The following FIP1L1 variants were observed in gnomAD, a reference collection of about 807,000 sequenced individuals.
The protein encoded by FIP1L1 is pre-mRNA 3'-end-processing factor FIP1.
A neutral mutation model predicts 84.6 loss-of-function variants in FIP1L1; 21 were observed. That is an observed-to-expected ratio of 0.25 (90% CI 0.18 to 0.36). FIP1L1 has a LOEUF of 0.36. Among genes scored for constraint, FIP1L1 ranks in the 10% least tolerant of loss-of-function variants. The pLI is 1.00. For missense variants in FIP1L1, 526 were observed against 751.1 expected, an observed-to-expected ratio of 0.70 and a Z score of 3.50; for synonymous variants, 263 against 242.3, an observed-to-expected ratio of 1.09 and a Z score of -0.80.
At chr4:53,426,378 CT>C (rs1244380920) in intron 12 of FIP1L1, among the ~76,000 whole-genome samples, 1 of 152,022 alleles carries the variant, frequency 6.6e-6, no homozygotes, top group Non-Finnish European at 1.5e-5. Context: ...TTATGATAAT[CT>C]TTTTTCCTTT....
rs1553926936 is a variant in FIP1L1, at chr4:53,459,297, T to TTTTC, written c.1638-5_1638-4insTTTC. On this transcript the variant is annotated splice_region_variant and splice_polypyrimidine_tract_variant and intron_variant, in intron 17 of 17. Transcript: ENST00000337488. ...CACACCTTTTTTTTTTTTTTTTTTT[T>TTTTC]CCAGTAATAGTAGACGTCGCCATGA... 13 of 1,479,452 alleles carry TTTTC rather than the reference T, an allele frequency of 8.8e-6. 1 individual carries two copies. The highest frequency in any genetic ancestry group is 4.8e-5 in the East Asian group (2 of 41,452). The allele number at this position is 1,479,452 out of a possible 1,614,324, so 91.6% of individuals were successfully genotyped here. A position where few individuals can be genotyped will look rare whatever the true frequency, so the allele number is the denominator to read the frequency against.
intron 15 of FIP1L1, among the ~76,000 whole-genome samples, chr4:53,446,091 T>A (rs1467457015): frequency 2.0e-5 from 3 of 152,174 alleles, no homozygotes; most frequent in African/African-American, 7.2e-5. Context: ...TATCGTACTG[T>A]CCTTCAAACT....
At chr4:53,425,367 T>C (rs1436553833) in intron 11 of FIP1L1, among the ~76,000 whole-genome samples, 1 of 152,102 alleles carries the variant, frequency 6.6e-6, no homozygotes, top group African/African-American at 2.4e-5. Flanking sequence ...TTATCAGAAA[T>C]GGCAAACTGG....
chr4:53,402,069 A>T (rs1750530901), intron 10 of FIP1L1, among the ~76,000 whole-genome samples: 1 of 152,178 alleles, frequency 6.6e-6, no homozygotes, highest in Non-Finnish European at 1.5e-5. Flanking sequence ...AGTAGGAAAA[A>T]AACCCACTGT....
intron 9 of FIP1L1, among the ~76,000 whole-genome samples, chr4:53,394,073 A>G (rs970371092): frequency 1.0e-4 from 15 of 150,746 alleles, no homozygotes; most frequent in Admixed American, 2.0e-4. Flanking sequence ...CTTAGTTTTC[A>G]TTTCTGTTGT....
intron 16 of FIP1L1, among the ~76,000 whole-genome samples, chr4:53,453,566 T>C (rs1278211421): frequency 3.3e-5 from 5 of 152,158 alleles, no homozygotes; most frequent in Admixed American, 1.3e-4. Flanking sequence ...CACTCTTACA[T>C]TGGAAGAAGA....
At chr4:53,405,819 T>C (rs1184688956) in intron 10 of FIP1L1, among the ~76,000 whole-genome samples, 3 of 151,342 alleles carry the variant, frequency 2.0e-5, no homozygotes, top group Non-Finnish European at 4.4e-5. Flanking sequence ...TGTCTGTTAT[T>C]GGTGTATAAG....
chr4:53,378,669 T>A (rs1313090541), intron 1 of FIP1L1: 1 of 194,162 alleles, frequency 5.2e-6, no homozygotes, highest in Non-Finnish European at 1.1e-5. Context: ...TACTTCTCTC[T>A]AGAAGGGTAC....
intron 9 of FIP1L1, among the ~76,000 whole-genome samples, chr4:53,397,649 G>A (rs907713642): frequency 6.6e-6 from 1 of 152,198 alleles, no homozygotes. Context: ...TAAATAGTCT[G>A]GAATATCTGT....
intron 12 of FIP1L1, 48 bp downstream of exon 12, chr4:53,426,013 C>A: frequency 7.8e-7 from 1 of 1,276,938 alleles, no homozygotes; most frequent in Non-Finnish European, 1.1e-6. Context: ...AGGATGATAT[C>A]AACATTATAA....
intron 10 of FIP1L1, among the ~76,000 whole-genome samples, chr4:53,403,619 G>A (rs931294436): frequency 6.6e-6 from 1 of 152,200 alleles, no homozygotes; most frequent in Non-Finnish European, 1.5e-5. Flanking sequence ...TTCTTAAGAT[G>A]CTTGAAAAAG....
chr4:53,446,945 G>GT (rs1774450401), intron 15 of FIP1L1, among the ~76,000 whole-genome samples: 1 of 151,820 alleles, frequency 6.6e-6, no homozygotes, highest in African/African-American at 2.4e-5. Context: ...AAGGTTTTTT[G>GT]TTTTTGTTTT....
intron 9 of FIP1L1, among the ~76,000 whole-genome samples, chr4:53,398,302 A>G (rs1748473017): frequency 6.6e-6 from 1 of 152,188 alleles, no homozygotes; most frequent in Non-Finnish European, 1.5e-5. Flanking sequence ...CAGGGCATTT[A>G]AAAATTTTTT....
In FIP1L1 at chr4:53,377,767, G is replaced by C; in HGVS notation, c.-72G>C. The C allele has an allele frequency of 1.4e-6, 2 of 1,379,580 alleles. No individual in the cohort carries two copies. Among genetic ancestry groups the C allele is most frequent in the East Asian group, 2.7e-5 (1 of 36,928 alleles). 85.5% of individuals were successfully genotyped at this position (1,379,580 alleles called of 1,614,324 possible). ...CGGGTTCGCGCCCTTCTCGCGCCTC[G>C]GGGCTGCGAGGCTGGGGAAGGGGTT... On this transcript the variant is annotated 5_prime_UTR_variant, in exon 1 of 18. Transcript: ENST00000337488.
chr4:53,442,141 C>G (rs1772217288), intron 13 of FIP1L1: 3 of 152,870 alleles, frequency 2.0e-5, no homozygotes. Context: ...TAGGGTTGTG[C>G]TATTTGAACA....
At chr4:53,387,888 T>C (rs1259039142) in intron 5 of FIP1L1, among the ~76,000 whole-genome samples, 1 of 152,216 alleles carries the variant, frequency 6.6e-6, no homozygotes, top group African/African-American at 2.4e-5. Flanking sequence ...GGAACCGTAA[T>C]TGTCCAGCTC....
At chr4:53,436,855 T>TA (rs1483388273) in intron 13 of FIP1L1, among the ~76,000 whole-genome samples, 1 of 145,710 alleles carries the variant, frequency 6.9e-6, no homozygotes, top group African/African-American at 2.8e-5. Context: ...TTTCAGGTCT[T>TA]ACCCCCACCC....
intron 7 of FIP1L1, 116 bp downstream of exon 7, chr4:53,390,744 G>C (rs1743834217): frequency 1.7e-5 from 12 of 686,974 alleles, no homozygotes; most frequent in Non-Finnish European, 2.4e-5. Context: ...ATTGTCTTAA[G>C]CAAATGATGA....
intron 11 of FIP1L1, among the ~76,000 whole-genome samples, chr4:53,420,489 A>G (rs1387440076): frequency 6.7e-6 from 1 of 149,762 alleles, no homozygotes; most frequent in African/African-American, 2.4e-5. Context: ...CTCCTCTTTC[A>G]TCATGGGCTT....
Sources: gnomAD v4.1 joint callset for allele counts (sites outside exome capture counted in the v4.1 genomes callset) on GRCh38, gnomAD v4.1.1 for gene constraint, MANE v1.5 for transcripts, NCBI Gene and HGNC (gene_info 2026-07-23, HGNC 2026-07-21) for gene names.